Variants in ERAP1 observed in about 807,000 individuals in gnomAD.
ERAP1 encodes the protein adipocyte-derived leucine aminopeptidase.
In ERAP1, 86 loss-of-function variants were observed where a neutral mutation model predicts 103.7. The ratio of observed to expected loss-of-function variants is 0.83; its 90% CI spans 0.70 to 0.99. The LOEUF (loss-of-function observed/expected upper bound fraction) is 0.99, where lower values mean the gene tolerates loss of function less well. Ranked by LOEUF, ERAP1 falls within the 50% of genes least tolerant of loss-of-function variation. ERAP1 has a pLI of 0.00. For synonymous variants in ERAP1, 398 were observed against 402.4 expected (o/e 0.99, Z 0.13); for missense variants, 1,009 against 1,128.4 (o/e 0.89, Z 1.52).
chr5:96,863,189 C>G, the ERAP1 span, among the ~76,000 whole-genome samples: 1 of 152,058 alleles, frequency 6.6e-6, no homozygotes, highest in Admixed American at 6.6e-5. Context: ...CCTCAGGCTC[C>G]TCTCCATTCT....
the ERAP1 span, chr5:96,884,057 T>A: frequency 1.6e-6 from 1 of 626,362 alleles, no homozygotes; most frequent in African/African-American, 1.9e-5. Flanking sequence ...TATCTATCTA[T>A]CTATCTATCT....
chr5:96,920,100 C>G, the ERAP1 span, among the ~76,000 whole-genome samples: 1 of 152,078 alleles, frequency 6.6e-6, no homozygotes, highest in Non-Finnish European at 1.5e-5. Context: ...TACTCGAGCC[C>G]AGGAGTTCAA....
chr5:96,883,852 T>C, the ERAP1 span: 5 of 1,613,980 alleles, frequency 3.1e-6, no homozygotes, highest in Non-Finnish European at 4.2e-6. Flanking sequence ...CTTGCTTTGA[T>C]GAACCGTTGT....
chr5:96,866,907 C>T, the ERAP1 span, among the ~76,000 whole-genome samples: 1 of 152,172 alleles, frequency 6.6e-6, no homozygotes, highest in Non-Finnish European at 1.5e-5. Flanking sequence ...CAACCAGCTA[C>T]GTTTCCTTGA....
the ERAP1 span, among the ~76,000 whole-genome samples, chr5:96,915,006 T>A: frequency 3.9e-5 from 6 of 152,134 alleles, no homozygotes; most frequent in South Asian, 2.1e-4. Context: ...TAATTTTTTT[T>A]AATTAATTTA....
chr5:96,875,242 T>C, the ERAP1 span, among the ~76,000 whole-genome samples: 1 of 152,052 alleles, frequency 6.6e-6, no homozygotes, highest in Non-Finnish European at 1.5e-5. Flanking sequence ...AGATTGAAAA[T>C]GATTCAAAAA....
chr5:96,821,237 C>A, the ERAP1 span, among the ~76,000 whole-genome samples: 7 of 152,220 alleles, frequency 4.6e-5, no homozygotes, highest in Non-Finnish European at 1.0e-4. Flanking sequence ...CACAAAGTCT[C>A]CTGATTTAAG....
In ERAP1 at chr5:96,800,916, G is replaced by A. The variant is rs1343491035; in HGVS notation, c.609C>T (p.Phe203=). 2 of 1,614,142 alleles carry A rather than the reference G, an allele frequency of 1.2e-6. No individual in the cohort carries two copies. The highest frequency in any genetic ancestry group is 2.7e-5 in the African/African-American group (2 of 75,032). The change falls in exon 3 of 19, where the codon TTC becomes TTT. Residue 203 remains phenylalanine, a synonymous_variant. Coordinates refer to ENST00000443439, the MANE Select transcript of ERAP1 (RefSeq NM_001040458.3). ...TTGGCTCTCTTCTAATTTTGATTGA[G>A]AAACTTGCTTTGAAGGCAGGTTCAT... ...CFDEPAFKAS[F]SIKIRREPRH...
At chr5:96,765,459 A>C (rs1221062473) in intron 19 of ERAP1, 18 of 594,046 alleles carry the variant, frequency 3.0e-5, no homozygotes, top group Non-Finnish European at 3.2e-5. Flanking sequence ...ATAATGAAAT[A>C]GAAAAATCAA....
At chr5:96,934,543 C>T in the ERAP1 span, 1 of 152,254 alleles carries the variant, frequency 6.6e-6, no homozygotes, top group South Asian at 2.1e-4. Context: ...CAAGGAGTTT[C>T]ATTTTTTATT....
the ERAP1 span, among the ~76,000 whole-genome samples, chr5:96,912,209 A>AAAAT: frequency 6.6e-6 from 1 of 150,824 alleles, no homozygotes; most frequent in South Asian, 2.1e-4. Context: ...AAAAAAGAAA[A>AAAAT]GAAAAGAAAA....
At chr5:96,793,561 T>C in intron 6 of ERAP1, 48 bp from the exon 7 acceptor site, 3 of 1,369,110 alleles carry the variant, frequency 2.2e-6, no homozygotes, top group South Asian at 1.2e-5. Context: ...GAAAGAAGTA[T>C]ATTTTAGATG....
chr5:96,873,303 A>G, the ERAP1 span: 1 of 456,170 alleles, frequency 2.2e-6, no homozygotes, highest in South Asian at 1.5e-5. Context: ...TTGAGGGCCT[A>G]TGATGTGCGC....
At chr5:96,882,624 A>T in the ERAP1 span, among the ~76,000 whole-genome samples, 1 of 152,226 alleles carries the variant, frequency 6.6e-6, no homozygotes, top group East Asian at 1.9e-4. Flanking sequence ...ACAAAGATTC[A>T]GGTTTTTTTG....
At chr5:96,776,821 G>A in intron 18 of ERAP1, 1 of 440,722 alleles carries the variant, frequency 2.3e-6, no homozygotes, top group Non-Finnish European at 4.0e-6. Flanking sequence ...TTATAATTAA[G>A]GTTTAATTGT....
At chr5:96,896,540 T>TC in the ERAP1 span, 1 of 1,559,518 alleles carries the variant, frequency 6.4e-7, no homozygotes, top group Non-Finnish European at 8.6e-7. Flanking sequence ...AGCTCTGCTT[T>TC]CAGAAGTGTA....
At chr5:96,866,879 A>T in the ERAP1 span, among the ~76,000 whole-genome samples, 1 of 152,166 alleles carries the variant, frequency 6.6e-6, no homozygotes, top group Non-Finnish European at 1.5e-5. Flanking sequence ...CTCTCTGGGG[A>T]TGTCCCACAG....
At chr5:96,904,379 CAT>C in the ERAP1 span, among the ~76,000 whole-genome samples, 14 of 152,254 alleles carry the variant, frequency 9.2e-5, no homozygotes, top group East Asian at 1.9e-3. Context: ...CTCAATGTGA[CAT>C]ATAATTTTCT....
chr5:96,770,451 G>A, downstream of ERAP1: 1 of 855,490 alleles, frequency 1.2e-6, no homozygotes, highest in Middle Eastern at 2.2e-4. Context: ...AGAATGGTCT[G>A]GATTAATTTA....
Sources: gnomAD v4.1 joint callset for allele counts (sites outside exome capture counted in the v4.1 genomes callset) on GRCh38, gnomAD v4.1.1 for gene constraint, MANE v1.5 for transcripts, NCBI Gene and HGNC (gene_info 2026-07-23, HGNC 2026-07-21) for gene names.